The following ZDHHC7 variants were observed in gnomAD, a reference collection of about 807,000 sequenced individuals.
ZDHHC7 encodes zDHHC palmitoyltransferase 7.
In ZDHHC7, 12 loss-of-function variants were observed where a neutral mutation model predicts 34.1. That is an observed-to-expected ratio of 0.35 (90% CI 0.23 to 0.57). ZDHHC7 has a LOEUF of 0.57. ZDHHC7 is among the 20% of genes least tolerant of loss of function. ZDHHC7 has a pLI of 0.84. For missense variants in ZDHHC7, 388 were observed against 402.7 expected (o/e 0.96, Z 0.31); for synonymous variants, 185 against 155.4 (o/e 1.19, Z -1.42).
At chr16:84,988,103 G>A (rs1046924642) in intron 3 of ZDHHC7, among the ~76,000 whole-genome samples, 4 of 152,194 alleles carry the variant, frequency 2.6e-5, no homozygotes, top group Admixed American at 6.5e-5. Context: ...CCCTGGGGGC[G>A]GAGGTTGCAG....
chr16:85,003,936 G>T (rs145396985), intron 1 of ZDHHC7, among the ~76,000 whole-genome samples: 1 of 152,106 alleles, frequency 6.6e-6, no homozygotes. Flanking sequence ...CCATGTAAAC[G>T]CCGGGAGCAC....
chr16:84,976,084 A>G lies in ZDHHC7; in HGVS notation c.*259T>C, dbSNP rs1028540435. ...AATAACCCGAAGTATTCTCCACAGAAGCCCCAGCTCTGCAGGAGGCCACGG... is the reference window on the plus strand; with the variant it reads ...AATAACCCGAAGTATTCTCCACAGAGGCCCCAGCTCTGCAGGAGGCCACGG... On this transcript the variant is annotated 3_prime_UTR_variant, in exon 8 of 8. Transcript: ENST00000313732. The G allele has an allele frequency of 2.0e-6, 1 of 499,320 alleles. No homozygotes were observed. Among genetic ancestry groups the G allele is most frequent in the African/African-American group, 2.0e-5 (1 of 49,198 alleles). 30.9% of individuals were successfully genotyped at this position (499,320 alleles called of 1,614,324 possible).
intron 3 of ZDHHC7, among the ~76,000 whole-genome samples, chr16:84,983,351 C>T (rs796871863): frequency 8.5e-5 from 13 of 152,304 alleles, no homozygotes; most frequent in African/African-American, 3.1e-4. Context: ...CGCTGGGCTC[C>T]GGAGCCACAG....
the ZDHHC7 span, among the ~76,000 whole-genome samples, chr16:85,022,572 T>C: frequency 3.9e-5 from 6 of 152,138 alleles, no homozygotes; most frequent in South Asian, 2.1e-4. Flanking sequence ...GGGACCACTA[T>C]AGACTTATCA....
intron 3 of ZDHHC7, chr16:84,982,217 C>T (rs140154118): frequency 1.2e-3 from 473 of 396,084 alleles, no homozygotes; most frequent in African/African-American, 8.8e-3. Flanking sequence ...CGGTGGCAGG[C>T]GCCTGTAATC....
intron 2 of ZDHHC7, among the ~76,000 whole-genome samples, chr16:84,993,029 A>T (rs2072530664): frequency 6.6e-6 from 1 of 152,238 alleles, no homozygotes; most frequent in Admixed American, 6.5e-5. Context: ...ATCAGATAAA[A>T]GCAGCTTTAA....
chr16:85,021,322 G>C, the ZDHHC7 span, among the ~76,000 whole-genome samples: 1 of 147,038 alleles, frequency 6.8e-6, no homozygotes, highest in Non-Finnish European at 1.5e-5. Context: ...TGAGGCAGAA[G>C]AATCGTTTGA....
At chr16:84,978,046 A>T (rs749500756) in intron 5 of ZDHHC7, 41 bp from the exon 6 acceptor site, 8 of 1,519,372 alleles carry the variant, frequency 5.3e-6, no homozygotes, top group East Asian at 4.6e-5. Flanking sequence ...TTTATTTTTT[A>T]TTTTTTTTAG....
In ZDHHC7 at chr16:84,977,151, T is replaced by A; in HGVS notation, c.694A>T (p.Thr232Ser). 1.2e-6 allele frequency: 2 copies of A among 1,614,072 alleles called. No individual in the cohort carries two copies. The highest frequency in any genetic ancestry group is 1.7e-6 in the Non-Finnish European group (2 of 1,180,006). ...FLCLEGLLFF[T>S]FTAVMFGTQI... ...GTGCCAAACATAACTGCAGTGAAAGTGAAAAACAGAAGACCCTCAAGGCAC... is the reference window on the plus strand; with the variant it reads ...GTGCCAAACATAACTGCAGTGAAAGAGAAAAACAGAAGACCCTCAAGGCAC... Residue 232 changes from threonine (T) to serine (S), a missense_variant, in exon 7 of 8, where the codon ACT becomes TCT. Thr to Ser is a moderately conservative substitution (Grantham distance 58). Transcript: ENST00000313732.
chr16:84,980,281 C>T (rs564572239), intron 4 of ZDHHC7, among the ~76,000 whole-genome samples: 7 of 151,934 alleles, frequency 4.6e-5, no homozygotes, highest in Admixed American at 4.6e-4. Context: ...TCACCTTCTT[C>T]TTATTCATTG....
At chr16:85,013,223 G>C (rs985599312), upstream of ZDHHC7, among the ~76,000 whole-genome samples, 1 of 152,034 alleles carries the variant, frequency 6.6e-6, no homozygotes, top group Non-Finnish European at 1.5e-5. Context: ...CTCTACAAAA[G>C]TATTGTTCTT....
chr16:85,006,503 C>G (rs2072718855), intron 1 of ZDHHC7, among the ~76,000 whole-genome samples: 1 of 152,020 alleles, frequency 6.6e-6, no homozygotes, highest in South Asian at 2.1e-4. Flanking sequence ...CATTTGATCT[C>G]AGGAGTTCAA....
chr16:84,995,397 G>T (rs541285622), intron 2 of ZDHHC7, among the ~76,000 whole-genome samples: 1 of 152,178 alleles, frequency 6.6e-6, no homozygotes, highest in Admixed American at 6.5e-5. Flanking sequence ...AGGCCAAGGC[G>T]AGTGGATCAC....
At chr16:85,018,992 C>G in the ZDHHC7 span, among the ~76,000 whole-genome samples, 1 of 152,192 alleles carries the variant, frequency 6.6e-6, no homozygotes, top group African/African-American at 2.4e-5. Context: ...CTGCAGGCCA[C>G]CTCACCTCCG....
intron 2 of ZDHHC7, among the ~76,000 whole-genome samples, chr16:84,993,498 C>G (rs2072536993): frequency 6.6e-6 from 1 of 150,654 alleles, no homozygotes; most frequent in South Asian, 2.1e-4. Context: ...TTTTTATAGT[C>G]AGGCATGGTG....
In ZDHHC7 at chr16:85,006,271, ATT is replaced by A. The variant is rs201519707; in HGVS notation, c.-104+5013_-104+5014del. On this transcript the variant is annotated intron_variant, in intron 1 of 7. Coordinates refer to ENST00000313732, the MANE Select transcript of ZDHHC7 (RefSeq NM_017740.3). ...CTACTCGAGAGGCTGAGGCAGGAGG[ATT>A]ACTTGAGCCCAGGCGTTCAAGGCTG... is the stretch of plus-strand genomic sequence containing the variant. Among the ~76,000 whole-genome samples, 1,382 of 152,262 alleles carry A rather than the reference ATT, an allele frequency of 9.1e-3. 25 individuals are homozygous for A. The highest frequency in any genetic ancestry group is 0.032 in the African/African-American group (1,328 of 41,534).
intron 1 of ZDHHC7, among the ~76,000 whole-genome samples, chr16:85,000,819 C>T (rs73255973): frequency 0.03 from 4,627 of 152,288 alleles, 243 homozygotes; most frequent in African/African-American, 0.1. Flanking sequence ...AGGAGCAGAG[C>T]GCACACAGCA....
Position 84,983,289 on chromosome 16 carries a change from G to T in ZDHHC7, c.316-1295C>A, listed in dbSNP as rs552600497. On this transcript the variant is annotated intron_variant, in intron 3 of 7. Coordinates refer to ENST00000313732, the MANE Select transcript of ZDHHC7 (RefSeq NM_017740.3). Reference sequence around the variant, plus strand: ...TGGGAGATGGCAGAGGTGGTGAAGGGCTCTGCCAACAGCAGATGGCCCTGC... The same window carrying T: ...TGGGAGATGGCAGAGGTGGTGAAGGTCTCTGCCAACAGCAGATGGCCCTGC... Among the ~76,000 whole-genome samples, 6 of 152,342 alleles carry T rather than the reference G, an allele frequency of 3.9e-5. No individual in the cohort carries two copies. The South Asian group carries it at 1.2e-3, about 32-fold the overall frequency.
At position 85,010,251 on chromosome 16, in the gene ZDHHC7, G is replaced by C. The variant is rs528417435; in HGVS notation, c.-104+1035C>G. ...TGCCCAGGCTGCTCTCCAACTCCTG[G>C]GCTCAAGTGATCCTCCTGCCTCAGC... is the stretch of plus-strand genomic sequence containing the variant. On this transcript the variant is annotated intron_variant, in intron 1 of 7. Coordinates refer to ENST00000313732, the MANE Select transcript of ZDHHC7 (RefSeq NM_017740.3). Among the ~76,000 whole-genome samples the C allele has an allele frequency of 8.0e-5, 12 of 150,756 alleles. No individual in the cohort carries two copies. In the East Asian group the frequency reaches 1.8e-3, roughly 22 times the overall value.
Sources: gnomAD v4.1 joint callset for allele counts (sites outside exome capture counted in the v4.1 genomes callset) on GRCh38, gnomAD v4.1.1 for gene constraint, MANE v1.5 for transcripts, NCBI Gene and HGNC (gene_info 2026-07-23, HGNC 2026-07-21) for gene names.